The following LRRC4C variants were observed in gnomAD, a reference collection of about 807,000 sequenced individuals.
LRRC4C encodes the protein leucine rich repeat containing 4C, also known as leucine-rich repeat-containing protein 4C.
A neutral mutation model predicts 33.6 loss-of-function variants in LRRC4C; 5 were observed. That is an observed-to-expected ratio of 0.15 (90% CI 0.08 to 0.31). The LOEUF is 0.31. LRRC4C is among the 10% of genes least tolerant of loss of function. The pLI, the probability that LRRC4C is intolerant of heterozygous loss-of-function variation, is 1.00. For synonymous variants in LRRC4C, 329 were observed against 302.0 expected, an observed-to-expected ratio of 1.09 and a Z score of -0.93; for missense variants, 560 against 796.7, an observed-to-expected ratio of 0.70 and a Z score of 3.58.
At chr11:40,172,117 G>A (rs1860097828) in intron 5 of LRRC4C, among the ~76,000 whole-genome samples, 1 of 152,096 alleles carries the variant, frequency 6.6e-6, no homozygotes, top group African/African-American at 2.4e-5. Context: ...TCTGTCGTTT[G>A]AGAAAACCTA....
chr11:40,445,789 A>G (rs1375042752), intron 3 of LRRC4C: 1 of 152,252 alleles, frequency 6.6e-6, no homozygotes, highest in African/African-American at 2.4e-5. Flanking sequence ...TGCAACCTGA[A>G]GTGAGACTTC....
chr11:40,331,617 G>T (rs1946366320), intron 3 of LRRC4C, among the ~76,000 whole-genome samples: 1 of 152,192 alleles, frequency 6.6e-6, no homozygotes, highest in African/African-American at 2.4e-5. Flanking sequence ...ACCAGTGTGG[G>T]CAGGCATCAT....
chr11:40,208,131 T>A (rs774696140), intron 5 of LRRC4C, among the ~76,000 whole-genome samples: 3 of 152,180 alleles, frequency 2.0e-5, no homozygotes, highest in Non-Finnish European at 4.4e-5. Context: ...AGTACAATCA[T>A]GACCCTTATG....
chr11:40,844,550 C>G (rs184349506), intron 2 of LRRC4C, among the ~76,000 whole-genome samples: 130 of 152,214 alleles, frequency 8.5e-4, no homozygotes, highest in East Asian at 5.8e-4. Context: ...AAAAAGAATA[C>G]AGATTATATG....
chr11:40,369,637 C>A (rs920952868), intron 3 of LRRC4C, among the ~76,000 whole-genome samples: 2 of 152,188 alleles, frequency 1.3e-5, no homozygotes, highest in African/African-American at 4.8e-5. Context: ...CACACCCAGC[C>A]ATTCTGTAGT....
chr11:40,427,611 T>A (rs1340436935), intron 3 of LRRC4C, among the ~76,000 whole-genome samples: 2 of 152,180 alleles, frequency 1.3e-5, no homozygotes, highest in Admixed American at 1.3e-4. Context: ...GTGAATTGCT[T>A]AAGGCCAGGA....
chr11:40,624,177 C>G (rs1331665817), intron 3 of LRRC4C, among the ~76,000 whole-genome samples: 1 of 152,190 alleles, frequency 6.6e-6, no homozygotes, highest in East Asian at 1.9e-4. Context: ...GTTAGAAGCA[C>G]ATTCTATGAT....
Position 40,357,823 on chromosome 11 carries a change from A to G in LRRC4C, c.-269-38102T>C, listed in dbSNP as rs1947742939. On this transcript the variant is annotated intron_variant, in intron 3 of 6. Coordinates refer to ENST00000528697, the MANE Select transcript of LRRC4C (RefSeq NM_001258419.2). Reference sequence around the variant, plus strand: ...GTTGTAACATCCTGGGCATGATACAAATAATCACTCTGAATTAGAAGTAAA... The same window carrying G: ...GTTGTAACATCCTGGGCATGATACAGATAATCACTCTGAATTAGAAGTAAA... Among the ~76,000 whole-genome samples the G allele has an allele frequency of 4.6e-5, 7 of 152,298 alleles. No homozygotes were observed. In the South Asian group the frequency reaches 1.2e-3, roughly 27 times the overall value.
intron 4 of LRRC4C, among the ~76,000 whole-genome samples, chr11:40,277,499 A>G (rs958461410): frequency 2.0e-5 from 3 of 152,118 alleles, no homozygotes; most frequent in African/African-American, 7.2e-5. Flanking sequence ...GGTGAGGTTA[A>G]GGGAAAGAGT....
intron 5 of LRRC4C, among the ~76,000 whole-genome samples, chr11:40,153,396 G>A (rs923128883): frequency 6.6e-6 from 1 of 151,954 alleles, no homozygotes; most frequent in Admixed American, 6.6e-5. Flanking sequence ...AACACCCCCT[G>A]AAAATCACAC....
At chr11:40,365,619 G>A (rs1242627949) in intron 3 of LRRC4C, among the ~76,000 whole-genome samples, 3 of 151,428 alleles carry the variant, frequency 2.0e-5, no homozygotes, top group Non-Finnish European at 4.4e-5. Context: ...AAGAGGTGAG[G>A]GCTAAACATT....
chr11:40,830,952 A>G (rs186946758), intron 2 of LRRC4C, among the ~76,000 whole-genome samples: 5 of 152,242 alleles, frequency 3.3e-5, no homozygotes, highest in Non-Finnish European at 4.4e-5. Flanking sequence ...AGTTTGAACC[A>G]CCCAAAGACA....
At chr11:40,737,587 A>G (rs1321990668) in intron 2 of LRRC4C, among the ~76,000 whole-genome samples, 1 of 150,326 alleles carries the variant, frequency 6.7e-6, no homozygotes, top group African/African-American at 2.4e-5. Context: ...AAAAAAAAAC[A>G]GAGAGCCAAA....
chr11:40,541,716 C>T (rs1477413604), intron 3 of LRRC4C, among the ~76,000 whole-genome samples: 1 of 152,132 alleles, frequency 6.6e-6, no homozygotes, highest in African/African-American at 2.4e-5. Context: ...TTCATATTTC[C>T]TAAATGATAG....
intron 1 of LRRC4C, among the ~76,000 whole-genome samples, chr11:41,453,762 G>A (rs905815448): frequency 3.3e-5 from 5 of 152,022 alleles, no homozygotes; most frequent in African/African-American, 1.2e-4. Flanking sequence ...CTGACTCTAT[G>A]AGATAATTGA....
At chr11:41,420,097 G>A (rs1954823689) in intron 1 of LRRC4C, among the ~76,000 whole-genome samples, 1 of 151,908 alleles carries the variant, frequency 6.6e-6, no homozygotes, top group South Asian at 2.1e-4. Flanking sequence ...TTTCTGAAGA[G>A]CAGCCTTTGA....
chr11:40,604,943 C>A (rs1192473648), intron 3 of LRRC4C, among the ~76,000 whole-genome samples: 2 of 152,096 alleles, frequency 1.3e-5, no homozygotes, highest in Admixed American at 1.3e-4. Context: ...TATTCCATTT[C>A]TGACATTCCC....
At chr11:41,284,161 G>A (rs905257168) in intron 1 of LRRC4C, among the ~76,000 whole-genome samples, 13 of 152,112 alleles carry the variant, frequency 8.5e-5, no homozygotes, top group Non-Finnish European at 1.6e-4. Context: ...ACGTTTCATT[G>A]AGAAATTTTA....
At chr11:40,798,515 T>C (rs1950916913) in intron 2 of LRRC4C, among the ~76,000 whole-genome samples, 1 of 152,166 alleles carries the variant, frequency 6.6e-6, no homozygotes, top group African/African-American at 2.4e-5. Context: ...CTAATTTTAA[T>C]ATTTAAAATT....
Sources: gnomAD v4.1 joint callset for allele counts (sites outside exome capture counted in the v4.1 genomes callset) on GRCh38, gnomAD v4.1.1 for gene constraint, MANE v1.5 for transcripts, NCBI Gene and HGNC (gene_info 2026-07-23, HGNC 2026-07-21) for gene names.